Variants in GNAL observed in about 807,000 individuals in gnomAD.
GNAL encodes guanine nucleotide-binding protein G(olf) subunit alpha.
GNAL carries 18 observed loss-of-function variants against 55.1 expected under a neutral mutation model. The observed-to-expected ratio is 0.33, with a 90% CI of 0.23 to 0.48. The LOEUF (loss-of-function observed/expected upper bound fraction) is 0.48, where lower values mean the gene tolerates loss of function less well. Ranked by LOEUF, GNAL falls within the 20% of genes least tolerant of loss-of-function variation. The probability of loss-of-function intolerance (pLI) is 0.99; values close to 1 mark genes in which losing one functional copy is unlikely to be tolerated. For missense variants in GNAL, 412 were observed against 614.1 expected (o/e 0.67, Z 3.48); for synonymous variants, 253 against 237.0 (o/e 1.07, Z -0.62).
chr18:11,726,148 A>G (rs1419569695), intron 1 of GNAL, among the ~76,000 whole-genome samples: 1 of 152,142 alleles, frequency 6.6e-6, no homozygotes, highest in Non-Finnish European at 1.5e-5. Context: ...GCTTTATGTT[A>G]TAGTGAGTCT....
At chr18:11,850,904 G>A (rs2035841651) in intron 5 of GNAL, among the ~76,000 whole-genome samples, 1 of 152,196 alleles carries the variant, frequency 6.6e-6, no homozygotes, top group Non-Finnish European at 1.5e-5. Flanking sequence ...ACGCGTCAAT[G>A]ACCCGTTTGT....
chr18:11,876,508 T>C (rs1202833783), intron 10 of GNAL, 113 bp from the exon 11 acceptor site: 13 of 738,262 alleles, frequency 1.8e-5, no homozygotes, highest in Non-Finnish European at 3.2e-5. Flanking sequence ...TGTACATGTA[T>C]TTTAATGCTG....
chr18:11,739,964 C>G lies in GNAL; in HGVS notation c.377-12889C>G, dbSNP rs571296762. Among the ~76,000 whole-genome samples the G allele has an allele frequency of 4.6e-5, 7 of 152,238 alleles. No homozygotes were observed. In the East Asian group the frequency reaches 1.2e-3, roughly 25 times the overall value. ...CTGCGTTCAGCATCTGCTGCCAATT[C>G]CACCCGACCCATGCTTCCCCACAGT... On this transcript the variant is annotated intron_variant, in intron 1 of 11. Coordinates refer to ENST00000334049, the MANE Select transcript of GNAL (RefSeq NM_182978.4).
At position 11,881,283 on chromosome 18, in the gene GNAL, C is replaced by T. The variant is rs1242360352; in HGVS notation, c.*148C>T. 2.4e-5 allele frequency: 18 copies of T among 744,136 alleles called. No homozygotes were observed. Among genetic ancestry groups the T allele is most frequent in the African/African-American group, 8.8e-5 (5 of 56,858 alleles). The allele number at this position is 744,136 out of a possible 1,614,324, so 46.1% of individuals were successfully genotyped here. On this transcript the variant is annotated 3_prime_UTR_variant, in exon 12 of 12. Transcript: ENST00000334049. The surrounding 1 kb of genome is among the most constrained non-coding windows in gnomAD (Gnocchi z 4.8). ...CCACCAAGCCTCTGGCTACCTCTGT[C>T]CCCTCAGGTTTGGTTGTGTAGCTTC...
intron 1 of GNAL, among the ~76,000 whole-genome samples, chr18:11,750,278 C>T (rs935406255): frequency 5.9e-5 from 9 of 152,104 alleles, no homozygotes; most frequent in Non-Finnish European, 1.3e-4. Context: ...GAGGGTGGCA[C>T]GGGGCATGAG....
At chr18:11,724,198 A>G (rs1009948081) in intron 1 of GNAL, among the ~76,000 whole-genome samples, 3 of 152,214 alleles carry the variant, frequency 2.0e-5, no homozygotes, top group African/African-American at 7.2e-5. Flanking sequence ...CAGTTCCACA[A>G]GCTGTACAGA....
chr18:11,764,896 A>G (rs908529281), intron 4 of GNAL, among the ~76,000 whole-genome samples: 2 of 152,250 alleles, frequency 1.3e-5, no homozygotes, highest in African/African-American at 2.4e-5. Flanking sequence ...TAGACTGTAC[A>G]TACTGAAGAC....
chr18:11,723,254 T>G (rs2032139193), intron 1 of GNAL, among the ~76,000 whole-genome samples: 1 of 152,226 alleles, frequency 6.6e-6, no homozygotes, highest in Admixed American at 6.5e-5. Context: ...AATACATAAA[T>G]GGAGGAGTGT....
chr18:11,873,842 C>T (rs535927307), intron 10 of GNAL, among the ~76,000 whole-genome samples: 137 of 150,926 alleles, frequency 9.1e-4, no homozygotes, highest in African/African-American at 2.4e-3. Flanking sequence ...GGCAGTGGCT[C>T]GGCGGCCGGG....
At chr18:11,765,103 C>T (rs73946313) in intron 4 of GNAL, among the ~76,000 whole-genome samples, 9,489 of 152,194 alleles carry the variant, frequency 0.062, 432 homozygotes, top group African/African-American at 0.13. Flanking sequence ...TCATTTCATG[C>T]TCTTGATAAT....
rs2036956340 is a variant in GNAL, at chr18:11,884,932, C to A, written c.*3797C>A. On this transcript the variant is annotated 3_prime_UTR_variant, in exon 12 of 12. Transcript: ENST00000334049. Reference sequence around the variant, plus strand: ...GTTCCCATCAAATATAGTGGGGGATCCATAACAGAGATTCAGAGAGGCACC... The same window carrying A: ...GTTCCCATCAAATATAGTGGGGGATACATAACAGAGATTCAGAGAGGCACC... 4 of 1,293,056 alleles carry A rather than the reference C, an allele frequency of 3.1e-6. No individual in the cohort carries two copies. The highest frequency in any genetic ancestry group is 2.8e-5 in the Admixed American group (1 of 35,580). 80.1% of individuals were successfully genotyped at this position (1,293,056 alleles called of 1,614,324 possible).
At chr18:11,776,446 C>T (rs1051858133) in intron 4 of GNAL, among the ~76,000 whole-genome samples, 2 of 152,042 alleles carry the variant, frequency 1.3e-5, no homozygotes, top group African/African-American at 4.8e-5. Context: ...GTGGCTTATG[C>T]CTGTAATCCC....
chr18:11,841,163 C>T (rs745370616), intron 5 of GNAL, among the ~76,000 whole-genome samples: 37 of 152,166 alleles, frequency 2.4e-4, no homozygotes, highest in African/African-American at 8.4e-4. Flanking sequence ...CATGAACCAC[C>T]GCACCCAGCC....
Position 11,881,194 on chromosome 18 carries a change from A to T in GNAL, c.*59A>T. 6.7e-7 allele frequency: 1 copy of T among 1,502,576 alleles called. No homozygotes were observed. The allele number at this position is 1,502,576 out of a possible 1,614,324, so 93.1% of individuals were successfully genotyped here. On this transcript the variant is annotated 3_prime_UTR_variant, in exon 12 of 12. Coordinates refer to ENST00000334049, the MANE Select transcript of GNAL (RefSeq NM_182978.4). The surrounding 1 kb of genome is among the most constrained non-coding windows in gnomAD (Gnocchi z 4.8). ...CCCGGACTGCCTGACTGCCAGCCCC[A>T]TGCCATGGTAGGAGGCAGAGTCTCT...
intron 1 of GNAL, among the ~76,000 whole-genome samples, chr18:11,692,749 T>C (rs1235844271): frequency 6.7e-6 from 1 of 150,370 alleles, no homozygotes; most frequent in Non-Finnish European, 1.5e-5. Flanking sequence ...AAACCCCATC[T>C]CTACAAAAAA....
intron 4 of GNAL, among the ~76,000 whole-genome samples, chr18:11,765,556 T>A (rs1323037023): frequency 6.6e-6 from 1 of 152,174 alleles, no homozygotes; most frequent in Non-Finnish European, 1.5e-5. Flanking sequence ...CATTCTCTCT[T>A]CACCCACCTC....
Position 11,742,287 on chromosome 18 carries a change from A to G in GNAL, c.377-10566A>G, listed in dbSNP as rs9954980. ...AGCTAGGAAATCCTCAAGGATGTCC[A>G]CATGCTGCCTCATGGAGAGGGATAA... On this transcript the variant is annotated intron_variant, in intron 1 of 11. Coordinates refer to ENST00000334049, the MANE Select transcript of GNAL (RefSeq NM_182978.4). 9.8e-3 allele frequency among the ~76,000 whole-genome samples: 1,486 copies of G among 152,364 alleles called. 22 individuals are homozygous for G. Among genetic ancestry groups the G allele is most frequent in the African/African-American group, 0.034 (1,421 of 41,572 alleles).
At chr18:11,870,053 A>G (rs970871331) in intron 9 of GNAL, among the ~76,000 whole-genome samples, 1 of 152,228 alleles carries the variant, frequency 6.6e-6, no homozygotes, top group East Asian at 1.9e-4. Flanking sequence ...TGATTTAAGC[A>G]TACGGGAGGA....
intron 1 of GNAL, among the ~76,000 whole-genome samples, chr18:11,744,871 C>G (rs1056759146): frequency 6.6e-6 from 1 of 152,072 alleles, no homozygotes; most frequent in Non-Finnish European, 1.5e-5. Context: ...CCACCATGCC[C>G]GGTTAACTTT....
Sources: allele counts gnomAD v4.1 joint callset (sites outside exome capture counted in the v4.1 genomes callset), GRCh38; gene constraint gnomAD v4.1.1; non-coding constraint Gnocchi (gnomAD v3.1); transcripts MANE v1.5; gene names NCBI Gene and HGNC (gene_info 2026-07-23, HGNC 2026-07-21).